The following RYR2 variants were observed in gnomAD, a reference collection of about 807,000 sequenced individuals.
The protein encoded by RYR2 is cardiac muscle ryanodine receptor-calcium release channel.
A neutral mutation model predicts 601.1 loss-of-function variants in RYR2; 227 were observed. That is an observed-to-expected ratio of 0.38 (90% CI 0.34 to 0.42). RYR2 has a LOEUF of 0.42. RYR2 is among the 10% of genes least tolerant of loss of function. The pLI is 1.00. For missense variants in RYR2, 4,646 were observed against 6,156.5 expected, an observed-to-expected ratio of 0.75 and a Z score of 8.21; for synonymous variants, 2,223 against 2,175.1, an observed-to-expected ratio of 1.02 and a Z score of -0.61.
At chr1:237,149,324 C>CAAA (rs1305270291) in intron 1 of RYR2, among the ~76,000 whole-genome samples, 1 of 150,954 alleles carries the variant, frequency 6.6e-6, no homozygotes, top group African/African-American at 2.4e-5. Context: ...AAAACAAAAA[C>CAAA]AAAAAACCAA....
intron 4 of RYR2, among the ~76,000 whole-genome samples, chr1:237,356,189 TA>T (rs1699278880): frequency 6.6e-6 from 1 of 152,152 alleles, no homozygotes; most frequent in Non-Finnish European, 1.5e-5. Flanking sequence ...TGGGGCATAT[TA>T]AAGTACTTTC....
At chr1:237,348,011 C>T (rs1698443885) in intron 3 of RYR2, among the ~76,000 whole-genome samples, 1 of 152,096 alleles carries the variant, frequency 6.6e-6, no homozygotes, top group African/African-American at 2.4e-5. Flanking sequence ...GAGATTAAGG[C>T]AGAGGAGCCT....
chr1:237,708,367 A>T (rs1469179042), intron 68 of RYR2, among the ~76,000 whole-genome samples: 4 of 152,188 alleles, frequency 2.6e-5, no homozygotes, highest in African/African-American at 9.6e-5. Context: ...GGCCCAATCA[A>T]GTTTAGAACT....
At chr1:237,322,503 A>G (rs935411116) in intron 2 of RYR2, among the ~76,000 whole-genome samples, 2 of 152,158 alleles carry the variant, frequency 1.3e-5, no homozygotes, top group South Asian at 2.1e-4. Context: ...ACTGTAAAAG[A>G]TATTTTTTGT....
chr1:237,665,066 A>G (rs1684179192), intron 56 of RYR2, among the ~76,000 whole-genome samples: 1 of 152,190 alleles, frequency 6.6e-6, no homozygotes, highest in African/African-American at 2.4e-5. Context: ...ACCTAGTTTC[A>G]TACCAACCTT....
chr1:237,794,031 C>A, intron 95 of RYR2, 34 bp downstream of exon 95: 2 of 1,574,786 alleles, frequency 1.3e-6, no homozygotes, highest in Non-Finnish European at 1.7e-6. Flanking sequence ...TTTCTGCACT[C>A]AAAAATTTCA....
chr1:237,458,351 C>T (rs1456682071), intron 16 of RYR2, among the ~76,000 whole-genome samples: 1 of 152,150 alleles, frequency 6.6e-6, no homozygotes, highest in Non-Finnish European at 1.5e-5. Flanking sequence ...ACCATTTGAA[C>T]CCGGGAAGCA....
At chr1:237,400,363 A>G (rs1012072464) in intron 10 of RYR2, among the ~76,000 whole-genome samples, 1 of 152,172 alleles carries the variant, frequency 6.6e-6, no homozygotes, top group Non-Finnish European at 1.5e-5. Context: ...GGAGGTGGCA[A>G]GAGGTCAGAA....
chr1:237,478,899 T>C (rs1661715339), intron 17 of RYR2, among the ~76,000 whole-genome samples: 1 of 152,216 alleles, frequency 6.6e-6, no homozygotes, highest in Non-Finnish European at 1.5e-5. Context: ...GGAATGAGTG[T>C]GCACTGTATG....
intron 1 of RYR2, among the ~76,000 whole-genome samples, chr1:237,190,649 A>G (rs918253739): frequency 1.3e-5 from 2 of 152,254 alleles, no homozygotes; most frequent in East Asian, 1.9e-4. Flanking sequence ...AACTATTTAT[A>G]TAACAGTCAC....
intron 1 of RYR2, among the ~76,000 whole-genome samples, chr1:237,099,011 C>G (rs966377595): frequency 1.3e-5 from 2 of 152,084 alleles, no homozygotes; most frequent in East Asian, 3.9e-4. Flanking sequence ...ACAACCACTG[C>G]GCTTCTCACC....
intron 1 of RYR2, among the ~76,000 whole-genome samples, chr1:237,123,966 G>A (rs1671115540): frequency 2.0e-5 from 3 of 152,208 alleles, no homozygotes; most frequent in African/African-American, 7.2e-5. Context: ...GGCAGAGACT[G>A]AATACACGTT....
intron 62 of RYR2, among the ~76,000 whole-genome samples, chr1:237,686,844 G>A (rs973905548): frequency 3.3e-5 from 5 of 152,124 alleles, no homozygotes; most frequent in African/African-American, 1.2e-4. Context: ...CATCTGTAAT[G>A]CTTTCCTCTG....
At chr1:237,796,089 G>T (rs1469581842) in intron 96 of RYR2, among the ~76,000 whole-genome samples, 2 of 151,626 alleles carry the variant, frequency 1.3e-5, no homozygotes, top group Non-Finnish European at 2.9e-5. Flanking sequence ...TGTGGAGGAG[G>T]TACAAGTGTT....
chr1:237,557,621 T>TGTAAACAAAACTGGAGATGAGGACAGCA (rs1469236752), intron 27 of RYR2, among the ~76,000 whole-genome samples: 24 of 151,712 alleles, frequency 1.6e-4, no homozygotes, highest in African/African-American at 5.6e-4. Context: ...AAAGGCTGAA[T>TGTAAACAAAACTGGAGATGAGGACAGCA]GTAAACAAAA....
At chr1:237,475,033 T>C (rs1175487404) in intron 17 of RYR2, among the ~76,000 whole-genome samples, 1 of 152,242 alleles carries the variant, frequency 6.6e-6, no homozygotes, top group Non-Finnish European at 1.5e-5. Flanking sequence ...ACAGATCACA[T>C]TTAATAAACG....
chr1:237,244,353 C>T (rs2149246799), intron 1 of RYR2, among the ~76,000 whole-genome samples: 1 of 152,192 alleles, frequency 6.6e-6, no homozygotes, highest in South Asian at 2.1e-4. Flanking sequence ...TAGGGGCATC[C>T]TCGGTAAGAT....
At chr1:237,408,560 C>G (rs545135506) in intron 10 of RYR2, among the ~76,000 whole-genome samples, 62 of 152,004 alleles carry the variant, frequency 4.1e-4, no homozygotes, top group African/African-American at 1.4e-3. Flanking sequence ...TCACCAATAC[C>G]ACACTGTGTT....
In RYR2 at chr1:237,262,873, T is replaced by A. The variant is rs148545838; in HGVS notation, c.49-7624T>A. On this transcript the variant is annotated intron_variant, in intron 1 of 104. Coordinates refer to ENST00000366574, the MANE Select transcript of RYR2 (RefSeq NM_001035.3). ...CTCGGAAGACTGGAGGAGTAAGAGT[T>A]TAGGGAAAATACTTGGCATGATGTG... Among the ~76,000 whole-genome samples the A allele has an allele frequency of 4.1e-3, 628 of 152,140 alleles. 5 individuals carry two copies. The highest frequency in any genetic ancestry group is 0.014 in the African/African-American group (584 of 41,488).
Sources: gnomAD v4.1 joint callset for allele counts (sites outside exome capture counted in the v4.1 genomes callset) on GRCh38, gnomAD v4.1.1 for gene constraint, MANE v1.5 for transcripts, NCBI Gene and HGNC (gene_info 2026-07-23, HGNC 2026-07-21) for gene names.